Variants in RBFOX1 observed in about 807,000 individuals in gnomAD.
RBFOX1 encodes RNA binding fox-1 homolog 1.
A neutral mutation model predicts 57.7 loss-of-function variants in RBFOX1; 8 were observed. The ratio of observed to expected loss-of-function variants is 0.14; its 90% CI spans 0.08 to 0.25. The LOEUF (loss-of-function observed/expected upper bound fraction) is 0.25. Among genes scored for constraint, RBFOX1 ranks in the 10% least tolerant of loss-of-function variants. The pLI is 1.00. For synonymous variants in RBFOX1, 326 were observed against 222.4 expected (o/e 1.47, Z -4.15); for missense variants, 611 against 548.5 (o/e 1.11, Z -1.14).
intron 2 of RBFOX1, among the ~76,000 whole-genome samples, chr16:6,441,887 G>C (rs1159962590): frequency 6.6e-6 from 1 of 152,140 alleles, no homozygotes; most frequent in East Asian, 1.9e-4. Flanking sequence ...GCTTATCTCT[G>C]ACTCAGGCAG....
At chr16:7,488,417 C>T (rs1241830176) in intron 4 of RBFOX1, among the ~76,000 whole-genome samples, 1 of 139,874 alleles carries the variant, frequency 7.1e-6, no homozygotes, top group Non-Finnish European at 1.5e-5. Context: ...CTACTGTCTG[C>T]CTGTCTATCT....
intron 4 of RBFOX1, among the ~76,000 whole-genome samples, chr16:5,904,555 C>T (rs1392737060): frequency 6.6e-6 from 1 of 151,762 alleles, no homozygotes; most frequent in Non-Finnish European, 1.5e-5. Flanking sequence ...GCATTCAGAC[C>T]ATGGTGTGGT....
chr16:7,627,317 A>C (rs1448052038), intron 10 of RBFOX1, among the ~76,000 whole-genome samples: 1 of 152,116 alleles, frequency 6.6e-6, no homozygotes, highest in East Asian at 1.9e-4. Flanking sequence ...GTTGAGAATG[A>C]TTGTGAGGAT....
intron 1 of RBFOX1, among the ~76,000 whole-genome samples, chr16:5,388,834 C>A (rs2066325338): frequency 6.6e-6 from 1 of 151,740 alleles, no homozygotes; most frequent in Non-Finnish European, 1.5e-5. Context: ...ACCTCAGCCT[C>A]CCAAAGTGCT....
At chr16:6,637,485 C>CGTAT (rs2098454236) in intron 2 of RBFOX1, among the ~76,000 whole-genome samples, 1 of 43,876 alleles carries the variant, frequency 2.3e-5, no homozygotes, top group East Asian at 1.0e-3. Context: ...ATATAATATC[C>CGTAT]TATATATTAT....
chr16:5,689,154 A>G (rs1186741994), intron 3 of RBFOX1, among the ~76,000 whole-genome samples: 2 of 152,246 alleles, frequency 1.3e-5, no homozygotes, highest in African/African-American at 4.8e-5. Context: ...GGTCACGTCC[A>G]GAGAACTGGA....
At chr16:6,326,304 A>G (rs1366648756) in intron 2 of RBFOX1, among the ~76,000 whole-genome samples, 1 of 152,180 alleles carries the variant, frequency 6.6e-6, no homozygotes, top group African/African-American at 2.4e-5. Flanking sequence ...ACAAACAGAT[A>G]TGGTGCTGTA....
At chr16:7,111,785 C>A (rs2064832154) in intron 4 of RBFOX1, among the ~76,000 whole-genome samples, 1 of 151,768 alleles carries the variant, frequency 6.6e-6, no homozygotes, top group Non-Finnish European at 1.5e-5. Context: ...AAGGTTCTGG[C>A]CAATCTATTT....
intron 3 of RBFOX1, among the ~76,000 whole-genome samples, chr16:6,901,864 G>C (rs958333739): frequency 6.6e-6 from 1 of 152,150 alleles, no homozygotes; most frequent in African/African-American, 2.4e-5. Flanking sequence ...AAATGTTCTG[G>C]AGTTCCCCAT....
chr16:7,319,691 G>A (rs1171030317), intron 4 of RBFOX1, among the ~76,000 whole-genome samples: 1 of 152,154 alleles, frequency 6.6e-6, no homozygotes. Context: ...AGATTTCCAG[G>A]GTTCCTTACT....
intron 2 of RBFOX1, among the ~76,000 whole-genome samples, chr16:5,505,363 G>A (rs533979153): frequency 6.6e-6 from 1 of 152,178 alleles, no homozygotes; most frequent in South Asian, 2.1e-4. Context: ...TTCTATTGCT[G>A]CTCCTAGAAT....
chr16:7,376,566 G>A (rs1044296181), intron 4 of RBFOX1, among the ~76,000 whole-genome samples: 63 of 152,124 alleles, frequency 4.1e-4, no homozygotes, highest in African/African-American at 1.4e-3. Context: ...GAGTTTTCTG[G>A]GTTAGACCTC....
At chr16:6,049,147 C>T (rs376994552) in intron 1 of RBFOX1, among the ~76,000 whole-genome samples, 22 of 149,272 alleles carry the variant, frequency 1.5e-4, no homozygotes, top group African/African-American at 5.2e-4. Context: ...ACTGCAACCT[C>T]GGCTTTCTGG....
At chr16:6,850,921 C>G (rs139982857) in intron 3 of RBFOX1, among the ~76,000 whole-genome samples, 1 of 152,166 alleles carries the variant, frequency 6.6e-6, no homozygotes, top group Non-Finnish European at 1.5e-5. Context: ...AACCTGTATG[C>G]AAATGTTCAC....
intron 4 of RBFOX1, among the ~76,000 whole-genome samples, chr16:7,324,392 G>T (rs905228479): frequency 4.6e-5 from 7 of 152,130 alleles, no homozygotes; most frequent in Non-Finnish European, 1.0e-4. Flanking sequence ...ACAGAAGGCA[G>T]AAGATGTAGA....
intron 2 of RBFOX1, among the ~76,000 whole-genome samples, chr16:6,554,805 TAAACACAC>T (rs1483356735): frequency 3.4e-5 from 5 of 147,386 alleles, no homozygotes; most frequent in African/African-American, 1.1e-4. Flanking sequence ...CACACACAGA[TAAACACAC>T]AGACACACAG....
intron 5 of RBFOX1, among the ~76,000 whole-genome samples, chr16:7,533,196 G>A (rs2080570478): frequency 6.6e-6 from 1 of 152,110 alleles, no homozygotes; most frequent in African/African-American, 2.4e-5. Flanking sequence ...CGTCTGGGTT[G>A]TTTTTAATAA....
At chr16:7,176,723 A>G (rs1197462288) in intron 4 of RBFOX1, among the ~76,000 whole-genome samples, 1 of 152,184 alleles carries the variant, frequency 6.6e-6, no homozygotes, top group Non-Finnish European at 1.5e-5. Flanking sequence ...GAACACAATA[A>G]GGTGATATTC....
intron 14 of RBFOX1, among the ~76,000 whole-genome samples, chr16:7,694,147 A>C (rs2078060657): frequency 6.6e-6 from 1 of 152,190 alleles, no homozygotes; most frequent in Non-Finnish European, 1.5e-5. Context: ...TGTCGTTTTT[A>C]AGCCTAAACT....
Sources: gnomAD v4.1 joint callset for allele counts (sites outside exome capture counted in the v4.1 genomes callset) on GRCh38, gnomAD v4.1.1 for gene constraint, MANE v1.5 for transcripts, NCBI Gene and HGNC (gene_info 2026-07-23, HGNC 2026-07-21) for gene names.